The following SREK1IP1 variants were observed in gnomAD, a reference collection of about 807,000 sequenced individuals.
SREK1IP1 encodes the protein SREK1 interacting protein 1.
Under a neutral mutation model 22.8 loss-of-function variants are expected in SREK1IP1, and 12 were observed. That is an observed-to-expected ratio of 0.53 (90% confidence interval 0.34 to 0.85). The LOEUF (loss-of-function observed/expected upper bound fraction) is 0.85, where lower values mean the gene tolerates loss of function less well. SREK1IP1 is among the 40% of genes least tolerant of loss of function. The pLI, the probability that SREK1IP1 is intolerant of heterozygous loss-of-function variation, is 0.02. For synonymous variants in SREK1IP1, 53 were observed against 52.7 expected (o/e 1.01, Z -0.02); for missense variants, 147 against 171.8 (o/e 0.86, Z 0.81).
At chr5:64,750,395 C>A (rs937694674) in intron 2 of SREK1IP1, among the ~76,000 whole-genome samples, 6 of 152,122 alleles carry the variant, frequency 3.9e-5, no homozygotes, top group Non-Finnish European at 8.8e-5. Flanking sequence ...AAGTCTGACT[C>A]TTTTATATAC....
chr5:64,750,731 C>G (rs1381922788), intron 2 of SREK1IP1, among the ~76,000 whole-genome samples: 3 of 152,178 alleles, frequency 2.0e-5, no homozygotes, highest in African/African-American at 7.2e-5. Context: ...CTCCTACTTT[C>G]TATCACCACC....
At chr5:64,738,724 T>C (rs978852061) in intron 3 of SREK1IP1, among the ~76,000 whole-genome samples, 3 of 152,084 alleles carry the variant, frequency 2.0e-5, no homozygotes, top group Admixed American at 6.6e-5. Flanking sequence ...GAACACACAA[T>C]GGGAAAAGGA....
intron 4 of SREK1IP1, 36 bp downstream of exon 4, chr5:64,728,071 C>A: frequency 7.7e-7 from 1 of 1,295,190 alleles, no homozygotes; most frequent in Non-Finnish European, 9.9e-7. Flanking sequence ...AACTCATAGG[C>A]CTGCTTTGTT....
chr5:64,729,627 G>T (rs1742342724), intron 3 of SREK1IP1, among the ~76,000 whole-genome samples: 1 of 152,166 alleles, frequency 6.6e-6, no homozygotes, highest in Admixed American at 6.5e-5. Flanking sequence ...CAAGGTAAAT[G>T]AATTGGAAAG....
At chr5:64,746,773 C>A (rs766773896) in intron 2 of SREK1IP1, among the ~76,000 whole-genome samples, 6 of 152,146 alleles carry the variant, frequency 3.9e-5, no homozygotes, top group Non-Finnish European at 8.8e-5. Context: ...CAATTCAATT[C>A]AATTCTGTTA....
intron 3 of SREK1IP1, among the ~76,000 whole-genome samples, chr5:64,729,170 G>A (rs1030689643): frequency 9.9e-5 from 15 of 152,246 alleles, no homozygotes; most frequent in African/African-American, 2.2e-4. Flanking sequence ...TATTGACCAC[G>A]CTTTCATTTA....
chr5:64,747,349 C>A (rs1045409331), intron 2 of SREK1IP1, among the ~76,000 whole-genome samples: 1 of 152,056 alleles, frequency 6.6e-6, no homozygotes, highest in African/African-American at 2.4e-5. Flanking sequence ...TATCTAGGAG[C>A]CTCCCAAGAA....
intron 1 of SREK1IP1, among the ~76,000 whole-genome samples, 157 bp downstream of exon 1, chr5:64,768,348 A>T (rs1300583764): frequency 6.6e-6 from 1 of 152,062 alleles, no homozygotes; most frequent in Non-Finnish European, 1.5e-5. Context: ...TTATGTTTGG[A>T]GTGTAAACTT....
At chr5:64,753,883 C>T (rs562368076) in intron 2 of SREK1IP1, among the ~76,000 whole-genome samples, 5 of 152,142 alleles carry the variant, frequency 3.3e-5, no homozygotes, top group South Asian at 4.1e-4. Context: ...ATCAAGTTTT[C>T]GCCCATGAGC....
chr5:64,724,529 T>C lies in SREK1IP1; in HGVS notation c.323A>G (p.Lys108Arg). 6.3e-7 allele frequency: 1 copy of C among 1,589,372 alleles called. No individual in the cohort carries two copies. Among genetic ancestry groups the C allele is most frequent in the Non-Finnish European group, 8.5e-7 (1 of 1,174,102 alleles). ...TTCTTTCTTCTGATATTTTTGTTTC[T>C]TTTGTTTTGAAGTGTCCTCTTCAGT... is the stretch of plus-strand genomic sequence containing the variant. ...SSTEEDTSKQ[K>R]KQKYQKKEKK... The change falls in exon 5 of 5, where the codon AAG (lysine) becomes AGG (arginine). Residue 108 changes from lysine (K) to arginine (R), a missense_variant. Transcript: ENST00000513458.
chr5:64,726,357 C>T (rs1177425429), intron 4 of SREK1IP1, among the ~76,000 whole-genome samples: 1 of 151,806 alleles, frequency 6.6e-6, no homozygotes, highest in Admixed American at 6.6e-5. Context: ...AGGCGGATCA[C>T]AAGGTCAGGA....
chr5:64,736,694 C>T (rs1315811578), intron 3 of SREK1IP1, among the ~76,000 whole-genome samples: 1 of 152,014 alleles, frequency 6.6e-6, no homozygotes, highest in Non-Finnish European at 1.5e-5. Flanking sequence ...AACTCCTGAC[C>T]TTAGGTGATC....
At chr5:64,755,986 T>C (rs988236851) in intron 1 of SREK1IP1, among the ~76,000 whole-genome samples, 26 of 152,208 alleles carry the variant, frequency 1.7e-4, no homozygotes, top group African/African-American at 6.0e-4. Flanking sequence ...ATAAGAAATA[T>C]CTAAATTCAA....
chr5:64,731,148 A>G (rs201831193), intron 3 of SREK1IP1, among the ~76,000 whole-genome samples: 1 of 152,194 alleles, frequency 6.6e-6, no homozygotes, highest in East Asian at 1.9e-4. Context: ...GTGAAGAGAC[A>G]GAAAAGATCA....
At chr5:64,741,365 A>G (rs920164397) in intron 2 of SREK1IP1, among the ~76,000 whole-genome samples, 165 bp from the exon 3 acceptor site, 3 of 152,098 alleles carry the variant, frequency 2.0e-5, no homozygotes, top group African/African-American at 7.2e-5. Flanking sequence ...TATTTTCCCT[A>G]TACTTTTCCA....
intron 2 of SREK1IP1, among the ~76,000 whole-genome samples, chr5:64,742,840 A>G (rs1742572820): frequency 6.6e-6 from 1 of 152,146 alleles, no homozygotes; most frequent in Non-Finnish European, 1.5e-5. Flanking sequence ...TAAAATATGT[A>G]TTGCACATTT....
chr5:64,727,283 A>G (rs972990595), intron 4 of SREK1IP1, among the ~76,000 whole-genome samples: 8 of 143,398 alleles, frequency 5.6e-5, no homozygotes, highest in African/African-American at 2.4e-4. Context: ...GCTAGTATGA[A>G]TGAAACTGCA....
chr5:64,748,956 T>G (rs1002934950), intron 2 of SREK1IP1, among the ~76,000 whole-genome samples: 3 of 151,862 alleles, frequency 2.0e-5, no homozygotes, highest in African/African-American at 4.8e-5. Flanking sequence ...AGACTAGCAC[T>G]AAATAGGTAT....
chr5:64,750,436 T>C (rs902853316), intron 2 of SREK1IP1, among the ~76,000 whole-genome samples: 1 of 152,190 alleles, frequency 6.6e-6, no homozygotes, highest in South Asian at 2.1e-4. Context: ...GACAAATGAA[T>C]CTGACTCAAA....
Sources: gnomAD v4.1 joint callset for allele counts (sites outside exome capture counted in the v4.1 genomes callset) on GRCh38, gnomAD v4.1.1 for gene constraint, MANE v1.5 for transcripts, NCBI Gene and HGNC (gene_info 2026-07-23, HGNC 2026-07-21) for gene names.